The following USO1 variants were observed in gnomAD, a reference collection of about 807,000 sequenced individuals.
USO1 encodes general vesicular transport factor p115.
Under a neutral mutation model 124.5 loss-of-function variants are expected in USO1, and 57 were observed. That is an observed-to-expected ratio of 0.46 (90% CI 0.37 to 0.57). The LOEUF is 0.57. Ranked by LOEUF, USO1 falls within the 20% of genes least tolerant of loss-of-function variation. The pLI is 0.00. For synonymous variants in USO1, 369 were observed against 362.8 expected (o/e 1.02, Z -0.19); for missense variants, 900 against 1,040.6 (o/e 0.86, Z 1.86).
chr4:75,742,360 TATC>T (rs1487060926), intron 1 of USO1, among the ~76,000 whole-genome samples: 1 of 152,198 alleles, frequency 6.6e-6, no homozygotes, highest in Non-Finnish European at 1.5e-5. Context: ...GCATTTCCAT[TATC>T]ATCATATGGG....
intron 17 of USO1, among the ~76,000 whole-genome samples, chr4:75,803,869 T>C (rs1029255068): frequency 6.6e-6 from 1 of 152,158 alleles, no homozygotes; most frequent in African/African-American, 2.4e-5. Flanking sequence ...ATGGAGTTTT[T>C]TCATTTTATT....
At chr4:75,795,257 G>A (rs772976668) in intron 13 of USO1, 7 of 695,994 alleles carry the variant, frequency 1.0e-5, no homozygotes, top group African/African-American at 3.5e-5. Context: ...CTATGAAAAA[G>A]TATTTGAGGG....
chr4:75,762,175 T>C (rs1721626505), intron 4 of USO1, among the ~76,000 whole-genome samples: 1 of 141,054 alleles, frequency 7.1e-6, no homozygotes, highest in Admixed American at 7.1e-5. Flanking sequence ...TTTTTTTTTT[T>C]TTTTTTTTTT....
intron 1 of USO1, among the ~76,000 whole-genome samples, chr4:75,733,375 G>C (rs1387735680): frequency 1.3e-5 from 2 of 152,200 alleles, no homozygotes; most frequent in Non-Finnish European, 2.9e-5. Context: ...TAAGTTCTTT[G>C]AGAGATATCC....
At chr4:75,797,210 T>C (rs1301798168) in intron 13 of USO1, among the ~76,000 whole-genome samples, 1 of 152,138 alleles carries the variant, frequency 6.6e-6, no homozygotes, top group East Asian at 1.9e-4. Context: ...TATACTTCAA[T>C]GTTTATCTTA....
chr4:75,793,208 T>A (rs1481187109), intron 12 of USO1, among the ~76,000 whole-genome samples: 9 of 25,314 alleles, frequency 3.6e-4, no homozygotes, highest in Non-Finnish European at 1.5e-3. Flanking sequence ...CTCTCTCCTT[T>A]TTTTTTTTTT....
At chr4:75,743,078 G>A (rs945017459) in intron 1 of USO1, among the ~76,000 whole-genome samples, 3 of 150,452 alleles carry the variant, frequency 2.0e-5, no homozygotes, top group Non-Finnish European at 3.0e-5. Context: ...TCCACCTCCC[G>A]GGTTCAAGCC....
chr4:75,739,203 T>C (rs747445324), intron 1 of USO1, among the ~76,000 whole-genome samples: 8 of 152,202 alleles, frequency 5.3e-5, no homozygotes, highest in Non-Finnish European at 8.8e-5. Context: ...CTTAGAGTTA[T>C]TCTACTTTAT....
At chr4:75,770,968 G>C (rs749983087) in intron 6 of USO1, 44 bp downstream of exon 6, 2 of 1,599,774 alleles carry the variant, frequency 1.3e-6, no homozygotes, top group African/African-American at 2.7e-5. Context: ...TCAAGCATGA[G>C]TATCATTTCC....
intron 22 of USO1, among the ~76,000 whole-genome samples, chr4:75,811,883 TG>T (rs567807171): frequency 2.0e-4 from 31 of 152,310 alleles, no homozygotes; most frequent in South Asian, 6.2e-4. Flanking sequence ...GAAATGGTAC[TG>T]TTTTTTTTAA....
intron 12 of USO1, among the ~76,000 whole-genome samples, chr4:75,791,721 G>A (rs1286875454): frequency 6.6e-6 from 1 of 151,836 alleles, no homozygotes; most frequent in Non-Finnish European, 1.5e-5. Context: ...AAAGGTAATT[G>A]GAAACATCAA....
intron 4 of USO1, among the ~76,000 whole-genome samples, chr4:75,762,551 C>A (rs1230815664): frequency 6.6e-6 from 1 of 150,814 alleles, no homozygotes; most frequent in Non-Finnish European, 1.5e-5. Flanking sequence ...GCCAATTTTT[C>A]TTTATTTTTC....
chr4:75,808,881 T>C (rs1413638173), intron 20 of USO1, 72 bp from the exon 21 acceptor site: 1 of 1,456,366 alleles, frequency 6.9e-7, no homozygotes, highest in Non-Finnish European at 9.2e-7. Context: ...TTTTTAAATG[T>C]CTCCCTGTAA....
chr4:75,734,490 T>C (rs1720732183), intron 1 of USO1, among the ~76,000 whole-genome samples: 1 of 152,136 alleles, frequency 6.6e-6, no homozygotes, highest in Non-Finnish European at 1.5e-5. Context: ...GTTCCATTGC[T>C]CCATGTCTGT....
rs1285927648 is a variant in USO1, at chr4:75,793,756, C to T, written c.1307C>T (p.Ser436Leu). 3 of 1,613,532 alleles carry T rather than the reference C, an allele frequency of 1.9e-6. No homozygotes were observed. Among genetic ancestry groups the T allele is most frequent in the Non-Finnish European group, 1.7e-6 (2 of 1,179,748 alleles). Residue 436 changes from serine to leucine, a missense_variant, in exon 13 of 24, where the codon TCA becomes TTA. Transcript: ENST00000514213. ...CGGLFSTDSL[S>L]NWCAAVALAH... ...GGTTTGTTTTCTACTGATTCACTTT[C>T]AAACTGGTGTGCTGCTGTGGCCCTT...
chr4:75,801,502 C>G (rs544562995), intron 17 of USO1, among the ~76,000 whole-genome samples: 29 of 152,210 alleles, frequency 1.9e-4, no homozygotes, highest in African/African-American at 5.8e-4. Context: ...GTACCCTAAA[C>G]CTTCATTATA....
intron 3 of USO1, among the ~76,000 whole-genome samples, chr4:75,755,142 TAGAA>T (rs1270287187): frequency 1.3e-5 from 2 of 152,160 alleles, no homozygotes; most frequent in Non-Finnish European, 2.9e-5. Flanking sequence ...GAGAGAAAAA[TAGAA>T]AGCCACAGTG....
At chr4:75,788,956 T>C (rs180695776) in intron 10 of USO1, among the ~76,000 whole-genome samples, 31 of 152,334 alleles carry the variant, frequency 2.0e-4, no homozygotes, top group African/African-American at 7.2e-4. Flanking sequence ...TGGCTAGATA[T>C]GGAATTCAGG....
intron 22 of USO1, 102 bp downstream of exon 22, chr4:75,810,641 T>C: frequency 5.4e-6 from 7 of 1,303,624 alleles, no homozygotes; most frequent in Non-Finnish European, 7.2e-6. Context: ...AGAAAGCTAA[T>C]GATGTGTAAT....
Sources: gnomAD v4.1 joint callset for allele counts (sites outside exome capture counted in the v4.1 genomes callset) on GRCh38, gnomAD v4.1.1 for gene constraint, MANE v1.5 for transcripts, NCBI Gene and HGNC (gene_info 2026-07-23, HGNC 2026-07-21) for gene names.